Variants in SNTB2 observed in about 807,000 individuals in gnomAD.
SNTB2 encodes beta-2-syntrophin.
A neutral mutation model predicts 46.2 loss-of-function variants in SNTB2; 34 were observed. That is an observed-to-expected ratio of 0.74 (90% CI 0.56 to 0.98). SNTB2 has a LOEUF of 0.98. Among genes scored for constraint, SNTB2 ranks in the 50% least tolerant of loss-of-function variants. The pLI, the probability that SNTB2 is intolerant of heterozygous loss-of-function variation, is 0.00. For missense variants in SNTB2, 603 were observed against 731.4 expected (o/e 0.82, Z 2.02); for synonymous variants, 290 against 312.6 (o/e 0.93, Z 0.76).
intron 1 of SNTB2, among the ~76,000 whole-genome samples, chr16:69,193,984 T>G (rs1316905011): frequency 3.3e-5 from 5 of 152,224 alleles, no homozygotes; most frequent in Non-Finnish European, 4.4e-5. Context: ...TATGTAGAAT[T>G]TATTTTGGCA....
At chr16:69,220,393 C>T (rs976102060) in intron 1 of SNTB2, among the ~76,000 whole-genome samples, 1 of 151,742 alleles carries the variant, frequency 6.6e-6, no homozygotes, top group Non-Finnish European at 1.5e-5. Context: ...GATCTCCTGA[C>T]CTCTGATCCT....
rs1567420119 is a variant in SNTB2, at chr16:69,308,467, A to G, written c.*7543A>G. 1.3e-5 allele frequency: 2 copies of G among 152,344 alleles called. No homozygotes were observed. The highest frequency in any genetic ancestry group is 4.8e-5 in the African/African-American group (2 of 41,578). The allele number at this position is 152,344 out of a possible 1,614,324, so 9.4% of individuals were successfully genotyped here. The stretch of plus-strand genomic sequence containing the variant: ...CCCTCCACTATACGACTCCAGTATT[A>G]TGTTTACAATCCATTGGATGAGTGC... On this transcript the variant is annotated 3_prime_UTR_variant, in exon 7 of 7. Coordinates refer to ENST00000336278, the MANE Select transcript of SNTB2 (RefSeq NM_006750.4).
At chr16:69,229,080 A>G (rs1273336521) in intron 1 of SNTB2, among the ~76,000 whole-genome samples, 1 of 152,198 alleles carries the variant, frequency 6.6e-6, no homozygotes, top group Admixed American at 6.5e-5. Flanking sequence ...TTCAGTATTT[A>G]TTAAAGAGTG....
intron 2 of SNTB2, among the ~76,000 whole-genome samples, chr16:69,258,907 C>G (rs1964805550): frequency 6.6e-6 from 1 of 152,056 alleles, no homozygotes; most frequent in Admixed American, 6.6e-5. Flanking sequence ...GCCACCATGC[C>G]TGGCCGCTAA....
chr16:69,216,144 G>A (rs1030686109), intron 1 of SNTB2, among the ~76,000 whole-genome samples: 3 of 152,038 alleles, frequency 2.0e-5, no homozygotes, highest in African/African-American at 7.2e-5. Context: ...AATACTTCTT[G>A]GAAGGAGGTT....
At chr16:69,205,139 A>T (rs7200043) in intron 1 of SNTB2, among the ~76,000 whole-genome samples, 3,711 of 151,422 alleles carry the variant, frequency 0.025, 159 homozygotes, top group African/African-American at 0.085. Flanking sequence ...ATCCTGGGAA[A>T]TACTTTGTTA....
At chr16:69,207,235 A>AC (rs71383975) in intron 1 of SNTB2, among the ~76,000 whole-genome samples, 41,108 of 146,712 alleles carry the variant, frequency 0.28, 6,293 homozygotes, top group African/African-American at 0.41. Context: ...GCTCACTGCA[A>AC]CTCCACCTCA....
intron 2 of SNTB2, among the ~76,000 whole-genome samples, chr16:69,259,277 C>T (rs910055613): frequency 2.0e-4 from 20 of 102,046 alleles, no homozygotes; most frequent in Non-Finnish European, 3.0e-4. Flanking sequence ...GACAGAGTTT[C>T]GCTCTGTCAC....
At chr16:69,250,837 C>T (rs1964718137) in intron 2 of SNTB2, among the ~76,000 whole-genome samples, 1 of 152,014 alleles carries the variant, frequency 6.6e-6, no homozygotes, top group Non-Finnish European at 1.5e-5. Context: ...GATTGTGCCA[C>T]TGCACTCCAG....
intron 1 of SNTB2, among the ~76,000 whole-genome samples, chr16:69,217,081 T>C (rs1375890357): frequency 6.6e-6 from 1 of 152,146 alleles, no homozygotes; most frequent in Admixed American, 6.6e-5. Context: ...TATTTCTGAG[T>C]GAAAAGACTG....
intron 2 of SNTB2, among the ~76,000 whole-genome samples, chr16:69,253,731 G>T (rs570318637): frequency 2.0e-5 from 3 of 152,094 alleles, no homozygotes; most frequent in Non-Finnish European, 4.4e-5. Flanking sequence ...TTTCAGCCCA[G>T]TGGTCCCGGT....
chr16:69,210,322 A>G (rs1022021912), intron 1 of SNTB2, among the ~76,000 whole-genome samples: 2 of 148,110 alleles, frequency 1.4e-5, no homozygotes, highest in African/African-American at 5.0e-5. Context: ...ACTGTAACCT[A>G]CACCTCCCAG....
At chr16:69,218,174 C>T (rs1376250195) in intron 1 of SNTB2, among the ~76,000 whole-genome samples, 6 of 151,988 alleles carry the variant, frequency 3.9e-5, no homozygotes, top group African/African-American at 1.5e-4. Flanking sequence ...ATTTAGCATG[C>T]ATAAAGATAA....
intron 4 of SNTB2, among the ~76,000 whole-genome samples, chr16:69,282,049 G>A (rs1404731823): frequency 6.7e-6 from 1 of 149,968 alleles, no homozygotes; most frequent in Admixed American, 6.6e-5. Context: ...GAGATTACAG[G>A]CGCCCACCAC....
chr16:69,279,737 C>T (rs1201517901), intron 4 of SNTB2, among the ~76,000 whole-genome samples: 1 of 151,356 alleles, frequency 6.6e-6, no homozygotes, highest in African/African-American at 2.4e-5. Flanking sequence ...ACCGTGTTAG[C>T]CAGGATGGTC....
At chr16:69,294,765 GC>G (rs1965206750) in intron 5 of SNTB2, among the ~76,000 whole-genome samples, 1 of 151,590 alleles carries the variant, frequency 6.6e-6, no homozygotes, top group Non-Finnish European at 1.5e-5. Flanking sequence ...CTACCGCAGA[GC>G]CCTGTGTTTA....
chr16:69,261,266 A>G (rs1383965228), intron 3 of SNTB2, among the ~76,000 whole-genome samples: 1 of 151,800 alleles, frequency 6.6e-6, no homozygotes, highest in African/African-American at 2.4e-5. Context: ...TTTCAAGTAC[A>G]GTTTCCCACT....
At chr16:69,212,857 T>G (rs1178774806) in intron 1 of SNTB2, among the ~76,000 whole-genome samples, 5 of 151,276 alleles carry the variant, frequency 3.3e-5, no homozygotes, top group Admixed American at 6.6e-5. Context: ...GGTTTTGAAC[T>G]CCCAACCTCA....
chr16:69,189,370 C>T (rs1385808319), intron 1 of SNTB2, among the ~76,000 whole-genome samples: 3 of 152,038 alleles, frequency 2.0e-5, no homozygotes, highest in African/African-American at 7.3e-5. Context: ...ATTCTTACAT[C>T]CAGAATATTG....
Sources: allele counts gnomAD v4.1 joint callset (sites outside exome capture counted in the v4.1 genomes callset), GRCh38; gene constraint gnomAD v4.1.1; transcripts MANE v1.5; gene names NCBI Gene and HGNC (gene_info 2026-07-23, HGNC 2026-07-21).